The following ANKS1B variants were observed in gnomAD, a reference collection of about 807,000 sequenced individuals.
The protein encoded by ANKS1B is ankyrin repeat and sterile alpha motif domain-containing protein 1B.
In ANKS1B, 36 loss-of-function variants were observed where a neutral mutation model predicts 148.3. The observed-to-expected ratio is 0.24, with a 90% CI of 0.19 to 0.32. The LOEUF (loss-of-function observed/expected upper bound fraction) is 0.32. Ranked by LOEUF, ANKS1B falls within the 10% of genes least tolerant of loss-of-function variation. The pLI is 1.00. For synonymous variants in ANKS1B, 542 were observed against 560.8 expected, an observed-to-expected ratio of 0.97 and a Z score of 0.47; for missense variants, 1,157 against 1,542.6, an observed-to-expected ratio of 0.75 and a Z score of 4.19.
intron 1 of ANKS1B, among the ~76,000 whole-genome samples, chr12:99,980,242 T>C (rs1173667164): frequency 6.6e-6 from 1 of 151,954 alleles, no homozygotes; most frequent in Non-Finnish European, 1.5e-5. Context: ...TCTTGACCTG[T>C]AGGTAGGTCT....
chr12:99,165,785 A>C (rs1219146253), intron 14 of ANKS1B, among the ~76,000 whole-genome samples: 1 of 151,948 alleles, frequency 6.6e-6, no homozygotes, highest in African/African-American at 2.4e-5. Context: ...CTATGAAGCC[A>C]GCATTATTTT....
intron 16 of ANKS1B, among the ~76,000 whole-genome samples, chr12:99,073,147 A>C (rs1489489263): frequency 6.6e-6 from 1 of 152,208 alleles, no homozygotes; most frequent in Admixed American, 6.5e-5. Context: ...ATATTGACCC[A>C]TTTAATTCTA....
chr12:99,399,675 G>A lies in ANKS1B; in HGVS notation c.1712C>T (p.Ser571Phe). 2 of 1,613,504 alleles carry A rather than the reference G, an allele frequency of 1.2e-6. No individual in the cohort carries two copies. The highest frequency in any genetic ancestry group is 1.7e-6 in the Non-Finnish European group (2 of 1,179,500). Residue 571 changes from serine to phenylalanine, a missense_variant, in exon 12 of 27, where the codon TCT becomes TTT. By Grantham distance (155) the Ser-to-Phe change is radical. This residue lies in a region of ANKS1B where 661 missense variants were observed against 642.1 expected (regional missense o/e 1.03). Coordinates refer to ENST00000683438, the MANE Select transcript of ANKS1B (RefSeq NM_001352186.2). ...ASPPASPPTSSVGTTEVKNEG... is the reference protein window; with the variant it reads ...ASPPASPPTSFVGTTEVKNEG... ...ATTCTTGACTTCTGTGGTTCCCACA[G>A]AAGAGGTGGGTGGACTAGCAGGAGG...
At chr12:99,420,816 T>C (rs1247334628) in intron 11 of ANKS1B, among the ~76,000 whole-genome samples, 1 of 152,188 alleles carries the variant, frequency 6.6e-6, no homozygotes, top group African/African-American at 2.4e-5. Context: ...AGTTCTGAAA[T>C]AGTCTCTAAT....
intron 12 of ANKS1B, among the ~76,000 whole-genome samples, chr12:99,320,375 G>A (rs766977911): frequency 2.9e-4 from 44 of 152,238 alleles, no homozygotes; most frequent in Non-Finnish European, 5.0e-4. Flanking sequence ...ATACTTTTTG[G>A]AGGCTTTGTT....
chr12:98,929,010 G>C (rs1283062907), intron 17 of ANKS1B, among the ~76,000 whole-genome samples: 1 of 151,368 alleles, frequency 6.6e-6, no homozygotes, highest in Non-Finnish European at 1.5e-5. Flanking sequence ...TCTATTTGCA[G>C]ATTACGTGAT....
intron 1 of ANKS1B, among the ~76,000 whole-genome samples, chr12:99,851,603 A>G (rs1040381537): frequency 1.3e-4 from 20 of 152,150 alleles, no homozygotes; most frequent in African/African-American, 4.8e-4. Flanking sequence ...GTAAACTGGA[A>G]GGAGTGAAAT....
intron 15 of ANKS1B, among the ~76,000 whole-genome samples, chr12:99,105,219 C>T (rs970014831): frequency 6.6e-6 from 1 of 152,130 alleles, no homozygotes; most frequent in African/African-American, 2.4e-5. Context: ...CTCTGGACAA[C>T]ATGAAGACAG....
chr12:99,311,335 A>T (rs1309824138), intron 12 of ANKS1B, among the ~76,000 whole-genome samples: 1 of 152,142 alleles, frequency 6.6e-6, no homozygotes, highest in Non-Finnish European at 1.5e-5. Flanking sequence ...TCTGTGGGTG[A>T]GTGGGTGCAT....
At chr12:98,980,198 TTTTG>T (rs201513045) in intron 17 of ANKS1B, among the ~76,000 whole-genome samples, 17 of 152,270 alleles carry the variant, frequency 1.1e-4, no homozygotes, top group Admixed American at 2.6e-4. Flanking sequence ...AAATAGGTTT[TTTTG>T]TTTGTTTGTT....
rs114597771 is a variant in ANKS1B at position 99,436,193 on chromosome 12, C to T, written c.1575+7480G>A. On this transcript the variant is annotated intron_variant, in intron 11 of 26. Transcript: ENST00000683438. ...ACTATTATTCTCTCCTGAAGCTTCACCCTTCTAGAATATCAGTATTCCACC... is the reference window on the plus strand; with the variant it reads ...ACTATTATTCTCTCCTGAAGCTTCATCCTTCTAGAATATCAGTATTCCACC... Among the ~76,000 whole-genome samples the T allele has an allele frequency of 4.8e-3, 723 of 152,042 alleles. 7 individuals are homozygous for T. The highest frequency in any genetic ancestry group is 0.016 in the African/African-American group (662 of 41,524).
rs184184077 is a variant in ANKS1B, at chr12:99,410,486, G to A, written c.1576-10675C>T. Among the ~76,000 whole-genome samples the A allele has an allele frequency of 2.0e-4, 30 of 152,204 alleles. No individual in the cohort carries two copies. In the East Asian group the frequency reaches 5.0e-3, roughly 26 times the overall value. On this transcript the variant is annotated intron_variant, in intron 11 of 26. Transcript: ENST00000683438. ...AGATCGAGACCATCCCGGCTAACAC[G>A]GTGAAACCCCGTCTCTACTAAAAAT...
Position 99,890,570 on chromosome 12 carries a change from G to GGTGTGTGTGTGT in ANKS1B, c.135-65193_135-65182dup, listed in dbSNP as rs10603901. Among the ~76,000 whole-genome samples the GGTGTGTGTGTGT allele has an allele frequency of 8.7e-5, 12 of 138,046 alleles. No homozygotes were observed. In the East Asian group the frequency reaches 1.4e-3, roughly 17 times the overall value. The allele number at this position is 138,046 out of a possible 152,430, so 90.6% of individuals were successfully genotyped here. A position where few individuals can be genotyped will look rare whatever the true frequency, so the allele number is the denominator to read the frequency against. On this transcript the variant is annotated intron_variant, in intron 1 of 26. Transcript: ENST00000683438. ...AAGTCTCTTTCTCACTCGCATTCAT[G>GGTGTGTGTGTGT]GTGTGTGTGTGTGTGTGTGTGTGTG...
chr12:99,538,082 TTTCTGTG>T (rs2097091003), intron 9 of ANKS1B, among the ~76,000 whole-genome samples: 1 of 152,164 alleles, frequency 6.6e-6, no homozygotes. Flanking sequence ...TGTTTATTTG[TTTCTGTG>T]TTCTCTATTC....
In ANKS1B at chr12:99,244,477, A is replaced by C. The variant is rs1424982007; in HGVS notation, c.2347-63T>G. ...TTCACTTTTAACATTGTATTTTAAA[A>C]TAAGTTTCAAATGAAGGGAGCAAAT... On this transcript the variant is annotated intron_variant, in intron 13 of 26. Transcript: ENST00000683438. 3.5e-6 allele frequency: 4 copies of C among 1,155,796 alleles called. No individual in the cohort carries two copies. The East Asian group carries it at 1.0e-4, about 30-fold the overall frequency. 71.6% of individuals were successfully genotyped at this position (1,155,796 alleles called of 1,614,324 possible). A position where few individuals can be genotyped will look rare whatever the true frequency, so the allele number is the denominator to read the frequency against.
chr12:98,803,378 C>T (rs1187628459), intron 20 of ANKS1B, among the ~76,000 whole-genome samples: 1 of 152,218 alleles, frequency 6.6e-6, no homozygotes, highest in African/African-American at 2.4e-5. Flanking sequence ...ACTTCTCCCT[C>T]CTTCTCCCGC....
intron 12 of ANKS1B, among the ~76,000 whole-genome samples, chr12:99,384,029 A>C (rs1174806925): frequency 1.3e-5 from 2 of 152,016 alleles, no homozygotes; most frequent in African/African-American, 4.8e-5. Flanking sequence ...ACCCTGTCTC[A>C]AAATAAGAGA....
At chr12:99,781,943 G>A in intron 5 of ANKS1B, 79 bp downstream of exon 5, 1 of 1,221,178 alleles carries the variant, frequency 8.2e-7, no homozygotes, top group Admixed American at 2.4e-5. Flanking sequence ...GAAGAAAACT[G>A]TGTCATTTTC....
chr12:99,132,347 T>C (rs1336531228), intron 15 of ANKS1B, among the ~76,000 whole-genome samples: 1 of 151,732 alleles, frequency 6.6e-6, no homozygotes, highest in Non-Finnish European at 1.5e-5. Flanking sequence ...TAAAAAGTAA[T>C]AGAGAATCCT....
Sources: gnomAD v4.1 joint callset for allele counts (sites outside exome capture counted in the v4.1 genomes callset) on GRCh38, gnomAD v4.1.1 for gene constraint, gnomAD v4.1.1 regional missense constraint, MANE v1.5 for transcripts, NCBI Gene and HGNC (gene_info 2026-07-23, HGNC 2026-07-21) for gene names.